Variants in PTPRT observed in about 807,000 individuals in gnomAD.
The protein encoded by PTPRT is protein tyrosine phosphatase receptor type T.
In PTPRT, 56 loss-of-function variants were observed where a neutral mutation model predicts 176.8. The ratio of observed to expected loss-of-function variants is 0.32; its 90% confidence interval spans 0.26 to 0.40. The LOEUF is 0.40. PTPRT is among the 10% of genes least tolerant of loss of function. The probability of loss-of-function intolerance (pLI) is 1.00; values close to 1 mark genes in which losing one functional copy is unlikely to be tolerated. For synonymous variants in PTPRT, 783 were observed against 739.0 expected, an observed-to-expected ratio of 1.06 and a Z score of -0.96; for missense variants, 1,540 against 1,908.2, an observed-to-expected ratio of 0.81 and a Z score of 3.60.
At chr20:42,437,443 C>T (rs1421145396) in intron 9 of PTPRT, among the ~76,000 whole-genome samples, 5 of 152,154 alleles carry the variant, frequency 3.3e-5, no homozygotes, top group Non-Finnish European at 5.9e-5. Context: ...TTGCACAACC[C>T]ACTATTTGAC....
At chr20:42,445,313 T>C (rs569102481) in intron 9 of PTPRT, among the ~76,000 whole-genome samples, 12 of 152,354 alleles carry the variant, frequency 7.9e-5, no homozygotes, top group African/African-American at 2.6e-4. Flanking sequence ...GTACAAAACC[T>C]AATTTAATCA....
chr20:42,329,714 A>AT (rs565134692), intron 11 of PTPRT, among the ~76,000 whole-genome samples: 2 of 151,892 alleles, frequency 1.3e-5, no homozygotes, highest in Admixed American at 6.6e-5. Flanking sequence ...CATAAAGCCT[A>AT]TTTTTTTTAA....
the PTPRT span, among the ~76,000 whole-genome samples, chr20:42,046,328 A>C: frequency 6.6e-6 from 1 of 152,224 alleles, no homozygotes; most frequent in Non-Finnish European, 1.5e-5. Flanking sequence ...GAATTCAACA[A>C]TGGCACTTCC....
chr20:42,957,558 T>A (rs1258221545), intron 1 of PTPRT, among the ~76,000 whole-genome samples: 4 of 152,122 alleles, frequency 2.6e-5, no homozygotes, highest in Admixed American at 6.5e-5. Context: ...AGACTCTCCC[T>A]TGGTTCTCAG....
rs183578361 is a variant in PTPRT at position 42,739,645 on chromosome 20, T to A, written c.859+16817A>T. ...ACTGAGACTCTGAAATAGACATAGA[T>A]AACACAACTTAGTTCTGAACATATT... is the stretch of plus-strand genomic sequence containing the variant. On this transcript the variant is annotated intron_variant, in intron 6 of 30. Coordinates refer to ENST00000373187, the MANE Select transcript of PTPRT (RefSeq NM_007050.6). Among the ~76,000 whole-genome samples, 53 of 152,332 alleles carry A rather than the reference T, an allele frequency of 3.5e-4. 2 individuals carry two copies. The Middle Eastern group carries it at 0.01, about 29-fold the overall frequency.
At chr20:42,646,759 A>T (rs2074910080) in intron 7 of PTPRT, among the ~76,000 whole-genome samples, 1 of 151,622 alleles carries the variant, frequency 6.6e-6, no homozygotes, top group Non-Finnish European at 1.5e-5. Flanking sequence ...ACTTAACCTG[A>T]CCACATTCTG....
At chr20:42,934,414 C>T (rs1980047375) in intron 1 of PTPRT, among the ~76,000 whole-genome samples, 1 of 152,208 alleles carries the variant, frequency 6.6e-6, no homozygotes, top group African/African-American at 2.4e-5. Flanking sequence ...CAGTTTAAAA[C>T]AGTATACATT....
intron 1 of PTPRT, among the ~76,000 whole-genome samples, chr20:42,948,013 G>A (rs1329876166): frequency 6.6e-6 from 1 of 151,596 alleles, no homozygotes; most frequent in Non-Finnish European, 1.5e-5. Context: ...GAATGAATGA[G>A]TGAACCCCAC....
At chr20:42,797,548 C>T (rs560804685) in intron 2 of PTPRT, among the ~76,000 whole-genome samples, 6 of 151,940 alleles carry the variant, frequency 3.9e-5, no homozygotes, top group Admixed American at 2.0e-4. Context: ...CACCCTCCCC[C>T]GCAAACACAG....
chr20:43,043,147 A>G (rs1297150434), intron 1 of PTPRT, among the ~76,000 whole-genome samples: 2 of 152,334 alleles, frequency 1.3e-5, no homozygotes, highest in East Asian at 3.9e-4. Flanking sequence ...GAGGTGCACC[A>G]GATGCCAGGA....
intron 1 of PTPRT, among the ~76,000 whole-genome samples, chr20:42,987,126 C>G (rs1372243467): frequency 1.3e-5 from 2 of 152,030 alleles, no homozygotes; most frequent in Non-Finnish European, 2.9e-5. Flanking sequence ...CTCCCTGCCT[C>G]CCTCTGTTGT....
At chr20:42,675,480 G>A (rs972299931) in intron 7 of PTPRT, among the ~76,000 whole-genome samples, 1 of 152,174 alleles carries the variant, frequency 6.6e-6, no homozygotes, top group Non-Finnish European at 1.5e-5. Flanking sequence ...GAAAGCAGAG[G>A]TGTAATTATC....
intron 7 of PTPRT, among the ~76,000 whole-genome samples, chr20:42,484,639 A>G (rs230157): frequency 0.83 from 125,762 of 152,196 alleles, 52,593 homozygotes; most frequent in African/African-American, 0.96. Flanking sequence ...TGTTTTCCAC[A>G]ATACTGGTAC....
chr20:42,332,013 C>T (rs1215501408), intron 11 of PTPRT, among the ~76,000 whole-genome samples: 4 of 152,098 alleles, frequency 2.6e-5, no homozygotes, highest in African/African-American at 9.7e-5. Flanking sequence ...TATTCTTCAC[C>T]ACCTCATACT....
chr20:43,028,466 G>A (rs1255632453), intron 1 of PTPRT, among the ~76,000 whole-genome samples: 5 of 152,102 alleles, frequency 3.3e-5, no homozygotes, highest in African/African-American at 7.2e-5. Context: ...CCAATATCCT[G>A]CACTATCCTT....
intron 7 of PTPRT, among the ~76,000 whole-genome samples, chr20:42,525,228 T>C (rs6102889): frequency 0.014 from 2,065 of 152,244 alleles, 45 homozygotes; most frequent in African/African-American, 0.048. Context: ...TCAAGTGATC[T>C]TCCTGCCTCA....
At chr20:42,863,119 G>A (rs2078689515) in intron 2 of PTPRT, among the ~76,000 whole-genome samples, 3 of 152,176 alleles carry the variant, frequency 2.0e-5, no homozygotes, top group Admixed American at 2.0e-4. Context: ...GCAGAGCCAG[G>A]GTTCAAACCT....
intron 1 of PTPRT, among the ~76,000 whole-genome samples, chr20:42,964,871 G>A (rs1340498474): frequency 6.6e-6 from 1 of 152,044 alleles, no homozygotes; most frequent in Non-Finnish European, 1.5e-5. Context: ...ATCCAAAGAG[G>A]AACATATTTT....
intron 7 of PTPRT, among the ~76,000 whole-genome samples, chr20:42,489,133 G>A (rs2071516420): frequency 6.7e-6 from 1 of 148,744 alleles, no homozygotes; most frequent in South Asian, 2.1e-4. Flanking sequence ...TAAGTTTTAG[G>A]GTACATGTGC....
Sources: allele counts gnomAD v4.1 joint callset (sites outside exome capture counted in the v4.1 genomes callset), GRCh38; gene constraint gnomAD v4.1.1; transcripts MANE v1.5; gene names NCBI Gene and HGNC (gene_info 2026-07-23, HGNC 2026-07-21).